Variants in TRIM21 observed in about 807,000 individuals in gnomAD.
TRIM21 encodes the protein E3 ubiquitin-protein ligase TRIM21.
Under a neutral mutation model 36.1 loss-of-function variants are expected in TRIM21, and 35 were observed. That is an observed-to-expected ratio of 0.97 (90% CI 0.74 to 1.28). The LOEUF (loss-of-function observed/expected upper bound fraction) is 1.28. TRIM21 is among the 50% of genes most tolerant of loss of function. TRIM21 has a pLI of 0.00. For synonymous variants in TRIM21, 256 were observed against 211.5 expected (o/e 1.21, Z -1.83); for missense variants, 635 against 570.7 (o/e 1.11, Z -1.15).
At chr11:4,393,225 C>T (rs1374872254) in intron 1 of TRIM21, among the ~76,000 whole-genome samples, 1 of 152,172 alleles carries the variant, frequency 6.6e-6, no homozygotes, top group Non-Finnish European at 1.5e-5. Context: ...TGCAGACCTC[C>T]CCGACACTGG....
At chr11:4,386,445 C>T (rs956688744) in intron 5 of TRIM21, 188 bp from the exon 6 acceptor site, 1 of 651,448 alleles carries the variant, frequency 1.5e-6, no homozygotes, top group African/African-American at 1.8e-5. Flanking sequence ...CCAGGAGTTC[C>T]TGGTTATAGG....
At chr11:4,386,584 G>A (rs192535240) in intron 5 of TRIM21, among the ~76,000 whole-genome samples, 41 of 152,312 alleles carry the variant, frequency 2.7e-4, no homozygotes, top group African/African-American at 8.4e-4. Context: ...GGAACCTCAA[G>A]GAGTCTTGCC....
intron 4 of TRIM21, 44 bp from the exon 5 acceptor site, chr11:4,387,034 C>A: frequency 6.4e-7 from 1 of 1,556,858 alleles, no homozygotes; most frequent in Non-Finnish European, 8.7e-7. Flanking sequence ...ATTGCTGGAT[C>A]GCCACTGAGA....
Position 4,385,233 on chromosome 11 carries a change from G to T in TRIM21, c.*52C>A, listed in dbSNP as rs925701986. 2.8e-5 allele frequency: 42 copies of T among 1,524,176 alleles called. No homozygotes were observed. Among genetic ancestry groups the T allele is most frequent in the Non-Finnish European group, 3.7e-5 (42 of 1,126,472 alleles). The allele number at this position is 1,524,176 out of a possible 1,614,324, so 94.4% of individuals were successfully genotyped here. ...TTCATGGGGAAAAGAGGCAGGGTTT[G>T]TGGCTGAGAAGCGGTGCCAATGGGG... is the stretch of plus-strand genomic sequence containing the variant. On this transcript the variant is annotated 3_prime_UTR_variant, in exon 7 of 7. Transcript: ENST00000254436.
intron 4 of TRIM21, 73 bp from the exon 5 acceptor site, chr11:4,387,063 T>G (rs997143568): frequency 6.7e-7 from 1 of 1,497,820 alleles, no homozygotes; most frequent in African/African-American, 1.4e-5. Context: ...CTGTGGGTGA[T>G]GTGATCCATC....
In TRIM21 at chr11:4,388,491, A is replaced by G. The variant is rs1564810130; in HGVS notation, c.544T>C (p.Phe182Leu). 1 of 1,611,550 alleles carries G rather than the reference A, an allele frequency of 6.2e-7. No individual in the cohort carries two copies. Among genetic ancestry groups the G allele is most frequent in the Non-Finnish European group, 8.5e-7 (1 of 1,179,742 alleles). The stretch of plus-strand genomic sequence containing the variant: ...ACCAGGAAGTTTTTTTGCTGCACAA[A>G]CTCTGCGTGAATCCTAGATTTCTGT... ...ETQKSRIHAE[F>L]VQQKNFLVEE... The change falls in exon 4 of 7, where the codon TTT (phenylalanine) becomes CTT (leucine). Residue 182 changes from phenylalanine to leucine, a missense_variant. Physicochemically the swap from Phe to Leu is conservative, Grantham distance 22. Coordinates refer to ENST00000254436, the MANE Select transcript of TRIM21 (RefSeq NM_003141.4).
At chr11:4,387,385 T>C (rs1317223624) in intron 4 of TRIM21, among the ~76,000 whole-genome samples, 5 of 151,988 alleles carry the variant, frequency 3.3e-5, no homozygotes, top group Admixed American at 3.3e-4. Context: ...TCTATTCCAC[T>C]TGTGGGCTAG....
intron 1 of TRIM21, among the ~76,000 whole-genome samples, chr11:4,392,907 T>G (rs562964274): frequency 6.6e-6 from 1 of 152,170 alleles, no homozygotes; most frequent in Non-Finnish European, 1.5e-5. Flanking sequence ...CTTTTTACCA[T>G]GTACCTTCCA....
intron 4 of TRIM21, among the ~76,000 whole-genome samples, chr11:4,387,713 G>T (rs991027969): frequency 6.6e-6 from 1 of 152,082 alleles, no homozygotes; most frequent in Admixed American, 6.6e-5. Flanking sequence ...AAATTAGCCA[G>T]GTGTGGTGAT....
rs1156639152 is a variant in TRIM21, at chr11:4,386,960, C to A, written c.758+8G>T. The A allele has an allele frequency of 2.5e-6, 4 of 1,583,342 alleles. No homozygotes were observed. The East Asian group carries it at 6.8e-5, about 27-fold the overall frequency. On this transcript the variant is annotated splice_region_variant and intron_variant, in intron 5 of 6. Coordinates refer to ENST00000254436, the MANE Select transcript of TRIM21 (RefSeq NM_003141.4). ...GCCCCTCTTCTAACAAAGAAAACTC[C>A]TCCTTACCTTTCCAGGACAATTATC...
intron 1 of TRIM21, among the ~76,000 whole-genome samples, chr11:4,391,979 T>C (rs1173033017): frequency 6.6e-6 from 1 of 152,020 alleles, no homozygotes; most frequent in African/African-American, 2.4e-5. Context: ...GGATGGTTAA[T>C]GGGTACAAAA....
Position 4,389,931 on chromosome 11 carries a change from A to T in TRIM21, c.408+71T>A, listed in dbSNP as rs980695654. On this transcript the variant is annotated intron_variant, in intron 2 of 6. Transcript: ENST00000254436. ...ACCCCTCCTTTCTCTAACCCCTCCA[A>T]TCCAGAGGTGGTCCTCTCCCATTCC... 3.2e-6 allele frequency: 5 copies of T among 1,572,242 alleles called. No individual in the cohort carries two copies. The African/African-American group carries it at 6.8e-5, about 21-fold the overall frequency.
Position 4,385,225 on chromosome 11 carries a change from C to G in TRIM21, c.*60G>C. 1.3e-6 allele frequency: 2 copies of G among 1,491,364 alleles called. No homozygotes were observed. Among genetic ancestry groups the G allele is most frequent in the Non-Finnish European group, 1.8e-6 (2 of 1,105,228 alleles). 92.4% of individuals were successfully genotyped at this position (1,491,364 alleles called of 1,614,324 possible). On this transcript the variant is annotated 3_prime_UTR_variant, in exon 7 of 7. Coordinates refer to ENST00000254436, the MANE Select transcript of TRIM21 (RefSeq NM_003141.4). ...GTTCAGAGTTCATGGGGAAAAGAGGCAGGGTTTGTGGCTGAGAAGCGGTGC... is the reference window on the plus strand; with the variant it reads ...GTTCAGAGTTCATGGGGAAAAGAGGGAGGGTTTGTGGCTGAGAAGCGGTGC...
chr11:4,391,659 G>T (rs1395824924), intron 1 of TRIM21, among the ~76,000 whole-genome samples: 1 of 152,184 alleles, frequency 6.6e-6, no homozygotes, highest in Non-Finnish European at 1.5e-5. Flanking sequence ...CAATAGCCAA[G>T]ATTTGGAAGC....
rs1230796948 is a variant in TRIM21, at chr11:4,386,165, G to T, written c.851C>A (p.Thr284Lys). The T allele has an allele frequency of 6.2e-7, 1 of 1,613,090 alleles. No individual in the cohort carries two copies. Among genetic ancestry groups the T allele is most frequent in the Non-Finnish European group, 8.5e-7 (1 of 1,179,834 alleles). The change falls in exon 6 of 7, where the codon ACA becomes AAA. Residue 284 changes from threonine (T) to lysine (K), a missense_variant. Thr to Lys is a moderately conservative substitution (Grantham distance 78, BLOSUM62 -1). Coordinates refer to ENST00000254436, the MANE Select transcript of TRIM21 (RefSeq NM_003141.4). ...HVPGLKKMLR[T>K]CAVHITLDPD... ...ACTAGAACTTGCCTCACCTGCACATGTCCTCAGCATCTTCTTCAGCCCTGG... is the reference window on the plus strand; with the variant it reads ...ACTAGAACTTGCCTCACCTGCACATTTCCTCAGCATCTTCTTCAGCCCTGG...
intron 4 of TRIM21, among the ~76,000 whole-genome samples, chr11:4,387,294 G>A (rs1164787856): frequency 1.3e-5 from 2 of 151,666 alleles, no homozygotes; most frequent in Non-Finnish European, 2.9e-5. Flanking sequence ...GGAGGGCAGA[G>A]AGGGCACATA....
At position 4,385,257 on chromosome 11, in the gene TRIM21, G is replaced by A. The variant is rs1389583497; in HGVS notation, c.*28C>T. On this transcript the variant is annotated 3_prime_UTR_variant, in exon 7 of 7. Transcript: ENST00000254436. ...TGTGGCTGAGAAGCGGTGCCAATGG[G>A]GAGAGTGGCAGTGTCCAGAGAAAGC... 1 of 1,578,846 alleles carries A rather than the reference G, an allele frequency of 6.3e-7. No individual in the cohort carries two copies. Among genetic ancestry groups the A allele is most frequent in the Non-Finnish European group, 8.6e-7 (1 of 1,159,808 alleles).
chr11:4,386,411 A>G (rs549472409), intron 5 of TRIM21, 154 bp from the exon 6 acceptor site: 1 of 711,022 alleles, frequency 1.4e-6, no homozygotes, highest in African/African-American at 1.7e-5. Context: ...GTGAGAGGCA[A>G]ACAATGCAGG....
chr11:4,390,119 C>T lies in TRIM21; in HGVS notation c.291G>A (p.Glu97=), dbSNP rs1240308345. 1 of 1,614,030 alleles carries T rather than the reference C, an allele frequency of 6.2e-7. No homozygotes were observed. The highest frequency in any genetic ancestry group is 1.3e-5 in the African/African-American group (1 of 75,050). The change falls in exon 2 of 7, where the codon GAG becomes GAA. Residue 97 remains glutamate (E), a synonymous_variant. Coordinates refer to ENST00000254436, the MANE Select transcript of TRIM21 (RefSeq NM_003141.4). ...TQGERCAVHG[E]RLHLFCEKDG... The stretch of plus-strand genomic sequence containing the variant: ...CTTTCTCACAGAACAGGTGAAGTCT[C>T]TCTCCATGCACTGCACACCGTTCCC...
Sources: allele counts gnomAD v4.1 joint callset (sites outside exome capture counted in the v4.1 genomes callset), GRCh38; gene constraint gnomAD v4.1.1; transcripts MANE v1.5; gene names NCBI Gene and HGNC (gene_info 2026-07-23, HGNC 2026-07-21).